The following AMZ1 variants were observed in gnomAD, a reference collection of about 807,000 sequenced individuals.
The protein encoded by AMZ1 is archaemetzincin-1.
Under a neutral mutation model 29.9 loss-of-function variants are expected in AMZ1, and 39 were observed. The ratio of observed to expected loss-of-function variants is 1.30; its 90% CI spans 1.01 to 1.70. The LOEUF (loss-of-function observed/expected upper bound fraction) is 1.70, where lower values mean the gene tolerates loss of function less well. AMZ1 is among the 40% of genes most tolerant of loss of function. The probability of loss-of-function intolerance (pLI) is 0.00; values close to 1 mark genes in which losing one functional copy is unlikely to be tolerated. For synonymous variants in AMZ1, 458 were observed against 304.0 expected, an observed-to-expected ratio of 1.51 and a Z score of -5.27; for missense variants, 1,041 against 680.6, an observed-to-expected ratio of 1.53 and a Z score of -5.89.
At chr7:2,703,769 C>G (rs1274404497) in intron 3 of AMZ1, among the ~76,000 whole-genome samples, 1 of 152,236 alleles carries the variant, frequency 6.6e-6, no homozygotes, top group African/African-American at 2.4e-5. Flanking sequence ...ATGACTCCAA[C>G]TGAATGTATA....
In AMZ1 at chr7:2,704,604, TTTTTTTTTTTA is replaced by T. The variant is rs1376213826; in HGVS notation, c.472+1716_472+1726del. 3.5e-4 allele frequency among the ~76,000 whole-genome samples: 46 copies of T among 129,818 alleles called. 3 individuals carry two copies. The East Asian group carries it at 8.8e-3, about 25-fold the overall frequency. 85.2% of individuals were successfully genotyped at this position (129,818 alleles called of 152,430 possible). A position where few individuals can be genotyped will look rare whatever the true frequency, so the allele number is the denominator to read the frequency against. ...AGTGTCACGCTTTTTTTTTTTTTTT[TTTTTTTTTTTA>T]AGACGGAGTCTTGCTGTGTCACCCA... is the stretch of plus-strand genomic sequence containing the variant. On this transcript the variant is annotated intron_variant, in intron 3 of 6. Transcript: ENST00000683327.
chr7:2,700,778 G>C (rs763108870), intron 2 of AMZ1, 23 bp downstream of exon 2: 1 of 1,606,026 alleles, frequency 6.2e-7, no homozygotes, highest in South Asian at 1.1e-5. Flanking sequence ...TGCAGCCATC[G>C]GCACGCTCCT....
intron 3 of AMZ1, among the ~76,000 whole-genome samples, chr7:2,704,915 G>A (rs188079345): frequency 6.6e-6 from 1 of 152,148 alleles, no homozygotes; most frequent in Non-Finnish European, 1.5e-5. Flanking sequence ...ATTTTTATAG[G>A]TCTCAGTTGC....
At chr7:2,737,274 G>GTTTTGTTTTGTTTTTTTTTTTTT (rs1790242698) in intron 4 of AMZ1, among the ~76,000 whole-genome samples, 3 of 35,046 alleles carry the variant, frequency 8.6e-5, no homozygotes, top group African/African-American at 3.0e-4. Flanking sequence ...GTTTTGTTTT[G>GTTTTGTTTTGTTTTTTTTTTTTT]TTTTTTTTTT....
intron 4 of AMZ1, among the ~76,000 whole-genome samples, chr7:2,744,231 G>A (rs567193008): frequency 6.6e-6 from 1 of 152,354 alleles, no homozygotes; most frequent in South Asian, 2.1e-4. Context: ...CCTCAAGTGG[G>A]TCCCTGACCC....
intron 4 of AMZ1, among the ~76,000 whole-genome samples, chr7:2,742,234 G>A (rs565776578): frequency 1.1e-4 from 16 of 152,052 alleles, no homozygotes; most frequent in African/African-American, 3.9e-4. Context: ...ATTTTGGCCA[G>A]GCTGGTCTTG....
At position 2,764,708 on chromosome 7, in the gene AMZ1, G is replaced by A. The variant is rs138417016; in HGVS notation, n.101G>A. ...GTTTTGCTTTATTTCTCTGTAAACTGTAGGTGAGCTGGGTGAACCCAGTAG... is the reference window on the plus strand; with the variant it reads ...GTTTTGCTTTATTTCTCTGTAAACTATAGGTGAGCTGGGTGAACCCAGTAG... On this transcript the variant is annotated non_coding_transcript_exon_variant, in exon 1 of 2. Coordinates refer to the AMZ1 transcript ENST00000433945. 7 of 152,354 alleles carry A rather than the reference G, an allele frequency of 4.6e-5. No individual in the cohort carries two copies. In the East Asian group the frequency reaches 1.4e-3, roughly 29 times the overall value. The allele number at this position is 152,354 out of a possible 1,614,324, so 9.4% of individuals were successfully genotyped here.
rs1358319859 is a variant in AMZ1 at position 2,713,120 on chromosome 7, T to C, written c.*242T>C. 3 of 377,256 alleles carry C rather than the reference T, an allele frequency of 8.0e-6. No homozygotes were observed. The allele number at this position is 377,256 out of a possible 1,614,324, so 23.4% of individuals were successfully genotyped here. On this transcript the variant is annotated 3_prime_UTR_variant, in exon 7 of 7. Coordinates refer to ENST00000683327, the MANE Select transcript of AMZ1 (RefSeq NM_001384743.1). The stretch of plus-strand genomic sequence containing the variant: ...AGCTGGATGAAGTGGTTCATGCCTG[T>C]GTTCCCAGCTATTCAGGAGGCTGAG...
At chr7:2,764,120 G>A (rs1359308108), upstream of AMZ1, among the ~76,000 whole-genome samples, 1 of 152,100 alleles carries the variant, frequency 6.6e-6, no homozygotes, top group Non-Finnish European at 1.5e-5. Flanking sequence ...GCCCAGGTTA[G>A]GGGGCCGTGG....
chr7:2,708,600 CCTT>C lies in AMZ1; in HGVS notation c.489_491del (p.Phe163del), dbSNP rs748677690. 1.6e-4 allele frequency: 253 copies of C among 1,612,710 alleles called. No homozygotes were observed. Among genetic ancestry groups the C allele is most frequent in the Non-Finnish European group, 1.9e-4 (229 of 1,179,980 alleles). On this transcript the variant is annotated inframe_deletion, in exon 4 of 7. Coordinates refer to ENST00000683327, the MANE Select transcript of AMZ1 (RefSeq NM_001384743.1). ...CCTCTCCCCGCAGACGGCATCCTGTCCTTCTTGAAGAACAACAAGCCAGGGGAC... is the reference window on the plus strand; with the variant it reads ...CCTCTCCCCGCAGACGGCATCCTGTCCTTGAAGAACAACAAGCCAGGGGAC...
chr7:2,753,945 G>A (rs560946620), intron 4 of AMZ1, among the ~76,000 whole-genome samples: 2 of 152,314 alleles, frequency 1.3e-5, no homozygotes, highest in South Asian at 4.2e-4. Context: ...CACGAGCTCT[G>A]TAGGTCCGGC....
chr7:2,694,447 T>G (rs532845874), intron 1 of AMZ1, among the ~76,000 whole-genome samples: 3 of 152,226 alleles, frequency 2.0e-5, no homozygotes, highest in African/African-American at 2.4e-5. Flanking sequence ...TGTGAGCCAA[T>G]TCTCATAATA....
rs768068698 is a variant in AMZ1, at chr7:2,700,644, G to T, written c.193G>T (p.Asp65Tyr). The T allele has an allele frequency of 6.2e-7, 1 of 1,611,930 alleles. No homozygotes were observed. Among genetic ancestry groups the T allele is most frequent in the South Asian group, 1.1e-5 (1 of 91,084 alleles). Residue 65 changes from aspartate (D) to tyrosine (Y), a missense_variant, in exon 2 of 7, where the codon GAC (aspartate) becomes TAC (tyrosine). Physicochemically the swap from Asp to Tyr is radical, Grantham distance 160 (BLOSUM62 -3). Transcript: ENST00000683327. The part of the protein sequence containing the change: ...FCTLLIRTGF[D>Y]WLLSRPEAPE... ...CACCCTGCTCATCCGCACGGGCTTC[G>T]ACTGGCTCCTGAGCCGACCCGAGGC... is the stretch of plus-strand genomic sequence containing the variant.
Position 2,693,619 on chromosome 7 carries a change from G to A in AMZ1, c.-219+5323G>A, listed in dbSNP as rs574604844. On this transcript the variant is annotated intron_variant, in intron 1 of 6. Coordinates refer to ENST00000683327, the MANE Select transcript of AMZ1 (RefSeq NM_001384743.1). ...GGCCCAGACTGGAGTGCAGTGGCGC[G>A]ATCTCCGCTCACTGCAAGCTCCGCC... Among the ~76,000 whole-genome samples, 11 of 152,262 alleles carry A rather than the reference G, an allele frequency of 7.2e-5. No homozygotes were observed. The East Asian group carries it at 1.5e-3, about 21-fold the overall frequency.
upstream of AMZ1, among the ~76,000 whole-genome samples, chr7:2,687,731 C>T (rs1475732188): frequency 6.6e-6 from 1 of 151,584 alleles, no homozygotes; most frequent in African/African-American, 2.4e-5. Context: ...GCCTGGTTCA[C>T]CTCCTCACCT....
Position 2,731,619 on chromosome 7 carries a change from C to G in AMZ1, n.550+21803C>G. The G allele has an allele frequency of 6.2e-7, 1 of 1,613,944 alleles. No individual in the cohort carries two copies. Among genetic ancestry groups the G allele is most frequent in the Non-Finnish European group, 8.5e-7 (1 of 1,179,970 alleles). On this transcript the variant is annotated intron_variant and non_coding_transcript_variant, in intron 4 of 4. Transcript: ENST00000489665. This position sits in a 1 kb window ranked among gnomAD's most constrained non-coding sequence, Gnocchi z 6.0. Reference sequence around the variant, plus strand: ...TCCCGTCGAAGCACTGGAACCACTTCTGGCGCTGGGACCGCTGGCCGCCCA... The same window carrying G: ...TCCCGTCGAAGCACTGGAACCACTTGTGGCGCTGGGACCGCTGGCCGCCCA...
At position 2,712,851 on chromosome 7, in the gene AMZ1, C is replaced by T. The variant is rs777152990; in HGVS notation, c.1470C>T (p.Pro490=). 2 of 1,524,774 alleles carry T rather than the reference C, an allele frequency of 1.3e-6. No homozygotes were observed. The highest frequency in any genetic ancestry group is 1.8e-6 in the Non-Finnish European group (2 of 1,136,256). 94.5% of individuals were successfully genotyped at this position (1,524,774 alleles called of 1,614,324 possible). The change falls in exon 7 of 7, where the codon CCC becomes CCT. Residue 490 remains proline (P), a synonymous_variant. Transcript: ENST00000683327. ...AACTCGCCAGAGCAGAGTCGGCCCC[C>T]CGTCCCTGGGATGGGGAAGAGAGTT... The part of the protein sequence containing the change: ...ARKLARAESA[P]RPWDGEES
intron 3 of AMZ1, among the ~76,000 whole-genome samples, chr7:2,705,335 G>A (rs1482248718): frequency 6.6e-6 from 1 of 152,182 alleles, no homozygotes; most frequent in Non-Finnish European, 1.5e-5. Context: ...AGCTTCATCT[G>A]TTTGAGCTCC....
chr7:2,744,197 G>A (rs999762212), intron 4 of AMZ1, among the ~76,000 whole-genome samples: 1 of 152,242 alleles, frequency 6.6e-6, no homozygotes, highest in African/African-American at 2.4e-5. Flanking sequence ...CGCAGCTGGA[G>A]ATCTGAGAAC....
Sources: allele counts gnomAD v4.1 joint callset (sites outside exome capture counted in the v4.1 genomes callset), GRCh38; gene constraint gnomAD v4.1.1; non-coding constraint Gnocchi (gnomAD v3.1); transcripts MANE v1.5; gene names NCBI Gene and HGNC (gene_info 2026-07-23, HGNC 2026-07-21).